CACNA1B: variants seen among roughly 807,000 people sequenced by gnomAD.
CACNA1B encodes voltage-dependent N-type calcium channel subunit alpha-1B.
In CACNA1B, 70 loss-of-function variants were observed where a neutral mutation model predicts 247.2. The ratio of observed to expected loss-of-function variants is 0.28; its 90% CI spans 0.23 to 0.35. CACNA1B has a LOEUF of 0.35. Among genes scored for constraint, CACNA1B ranks in the 10% least tolerant of loss-of-function variants. CACNA1B has a pLI of 1.00. For missense variants in CACNA1B, 2,367 were observed against 3,197.4 expected (o/e 0.74, Z 6.26); for synonymous variants, 1,231 against 1,294.4 (o/e 0.95, Z 1.05).
At chr9:138,083,068 TC>T (rs1960577866) in intron 36 of CACNA1B, among the ~76,000 whole-genome samples, 1 of 150,920 alleles carries the variant, frequency 6.6e-6, no homozygotes, top group Non-Finnish European at 1.5e-5. Context: ...TCCCCTGCAG[TC>T]CTCAAGGCAC....
Position 138,052,090 on chromosome 9 carries a change from A to AGAG in CACNA1B, c.3712_3714dup. The AGAG allele has an allele frequency of 6.4e-7, 1 of 1,566,102 alleles. No individual in the cohort carries two copies. The highest frequency in any genetic ancestry group is 8.8e-7 in the Non-Finnish European group (1 of 1,137,580). The stretch of plus-strand genomic sequence containing the variant: ...TCTGCATCTGTGGCTTCTCCCTTCT[A>AGAG]GAGGATCCAAAGGGAAAGACATCAA... On this transcript the variant is annotated splice_acceptor_variant, in intron 24 of 46. Transcript: ENST00000371372. LOFTEE classifies it high-confidence loss of function. This position sits in a 1 kb window ranked among gnomAD's most constrained non-coding sequence, Gnocchi z 5.1.
chr9:137,957,834 G>T lies in CACNA1B; in HGVS notation c.1333+147G>T. On this transcript the variant is annotated intron_variant, in intron 10 of 46. Coordinates refer to ENST00000371372, the MANE Select transcript of CACNA1B (RefSeq NM_000718.4). The surrounding 1 kb of genome is among the most constrained non-coding windows in gnomAD (Gnocchi z 4.7). ...CCTTTCAGACAGTTTGCTGCTCCTGGCTTTGTGACCCCCATGTGGACATAG... is the reference window on the plus strand; with the variant it reads ...CCTTTCAGACAGTTTGCTGCTCCTGTCTTTGTGACCCCCATGTGGACATAG... The T allele has an allele frequency of 1.8e-6, 1 of 543,606 alleles. No homozygotes were observed. Among genetic ancestry groups the T allele is most frequent in the Non-Finnish European group, 3.3e-6 (1 of 306,258 alleles). The allele number at this position is 543,606 out of a possible 1,614,324, so 33.7% of individuals were successfully genotyped here.
chr9:138,028,720 C>G (rs1958951580), intron 20 of CACNA1B, among the ~76,000 whole-genome samples: 1 of 152,202 alleles, frequency 6.6e-6, no homozygotes, highest in Non-Finnish European at 1.5e-5. Flanking sequence ...TGCCCAGGTG[C>G]TTAATCAAGT....
Position 137,957,376 on chromosome 9 carries a change from G to A in CACNA1B, c.1244-222G>A, listed in dbSNP as rs923585851. On this transcript the variant is annotated intron_variant, in intron 9 of 46. Coordinates refer to ENST00000371372, the MANE Select transcript of CACNA1B (RefSeq NM_000718.4). This position sits in a 1 kb window ranked among gnomAD's most constrained non-coding sequence, Gnocchi z 4.7. The stretch of plus-strand genomic sequence containing the variant: ...CCACTGGCCTCATTTTGGAAGAAAG[G>A]GAAAGCGGGGACCCCTCACCCTCAA... Among the ~76,000 whole-genome samples, 1 of 152,210 alleles carries A rather than the reference G, an allele frequency of 6.6e-6. No homozygotes were observed. Among genetic ancestry groups the A allele is most frequent in the African/African-American group, 2.4e-5 (1 of 41,446 alleles).
rs1487198120 is a variant in CACNA1B, at chr9:137,892,376, A to G, written c.530+9493A>G. The G allele has an allele frequency of 8.8e-6, 4 of 456,412 alleles. No individual in the cohort carries two copies. In the Admixed American group the frequency reaches 9.4e-5, roughly 11 times the overall value. 28.3% of individuals were successfully genotyped at this position (456,412 alleles called of 1,614,324 possible). On this transcript the variant is annotated intron_variant, in intron 3 of 46. Transcript: ENST00000371372. ...TCCGATGGACCCCAGACCCTGGGGC[A>G]GGCGGGATGCAGGGCCAGGCCTGCG...
chr9:137,928,122 G>A (rs1222618058), intron 6 of CACNA1B, among the ~76,000 whole-genome samples: 3 of 152,042 alleles, frequency 2.0e-5, no homozygotes, highest in Non-Finnish European at 4.4e-5. Context: ...TTGTTGAGAC[G>A]GAGTCTTGCT....
At chr9:138,046,378 A>G (rs991839449) in intron 21 of CACNA1B, among the ~76,000 whole-genome samples, 2 of 152,204 alleles carry the variant, frequency 1.3e-5, no homozygotes, top group Non-Finnish European at 1.5e-5. Context: ...TGGACAGGGC[A>G]CACACCCCGC....
At chr9:137,931,374 C>T (rs767380919) in intron 6 of CACNA1B, among the ~76,000 whole-genome samples, 12 of 152,054 alleles carry the variant, frequency 7.9e-5, no homozygotes, top group African/African-American at 2.4e-4. Context: ...TCATGGGAGG[C>T]GACCAATCAG....
In CACNA1B at chr9:138,114,401, G is replaced by T. The variant is rs148799345; in HGVS notation, c.5560G>T (p.Val1854Phe). ...HKPDEMTVGK[V>F]YAALMIFDFY... ...AGCTGATGAGATGACAGTGGGGAAGGTTTATGCAGCTCTGATGATATTCGA... is the reference window on the plus strand; with the variant it reads ...AGCTGATGAGATGACAGTGGGGAAGTTTTATGCAGCTCTGATGATATTCGA... The change falls in exon 41 of 47, where the codon GTT becomes TTT. Residue 1854 changes from valine (V) to phenylalanine (F), a missense_variant. By Grantham distance (50) the Val-to-Phe change is conservative. Around this residue, in one of 12 missense-constraint regions of CACNA1B, gnomAD observed 773 missense variants for 779.4 expected, o/e 0.99. Transcript: ENST00000371372. 6.9e-6 allele frequency: 11 copies of T among 1,585,366 alleles called. No homozygotes were observed. The South Asian group carries it at 1.3e-4, about 18-fold the overall frequency.
At chr9:137,900,905 C>T (rs536813011) in intron 3 of CACNA1B, among the ~76,000 whole-genome samples, 3 of 130,570 alleles carry the variant, frequency 2.3e-5, no homozygotes, top group South Asian at 2.6e-4. Context: ...ACCGTGTGTC[C>T]GTGTGTCTGT....
intron 6 of CACNA1B, among the ~76,000 whole-genome samples, chr9:137,949,471 G>A (rs1957853464): frequency 6.6e-6 from 1 of 150,872 alleles, no homozygotes; most frequent in Admixed American, 6.6e-5. Flanking sequence ...TGTGTGTGGT[G>A]TATGCATGTG....
rs537769412 is a variant in CACNA1B, at chr9:138,047,367, G to C, written c.3544-32G>C. 4.5e-6 allele frequency: 7 copies of C among 1,555,006 alleles called. No individual in the cohort carries two copies. The Admixed American group carries it at 8.3e-5, about 19-fold the overall frequency. ...GCACCCTGGCTCAGATTTCAGCCCA[G>C]CCTTTGAGAATAACCTTCCTTTTGG... is the stretch of plus-strand genomic sequence containing the variant. On this transcript the variant is annotated intron_variant, in intron 22 of 46. Transcript: ENST00000371372.
intron 31 of CACNA1B, among the ~76,000 whole-genome samples, chr9:138,067,032 GA>G (rs1321818051): frequency 7.2e-5 from 11 of 152,202 alleles, no homozygotes; most frequent in Non-Finnish European, 1.5e-4. Context: ...AGGCAGGGGA[GA>G]GGGGTCATGA....
At position 138,010,101 on chromosome 9, in the gene CACNA1B, G is replaced by A. The variant is rs201774866; in HGVS notation, c.2160+24G>A. On this transcript the variant is annotated intron_variant, in intron 17 of 46. Transcript: ENST00000371372. This position sits in a 1 kb window ranked among gnomAD's most constrained non-coding sequence, Gnocchi z 5.3. The stretch of plus-strand genomic sequence containing the variant: ...AGGTAGGTGGCGACAGGGAGGGACC[G>A]GTGTCAGCCCATGTCACTTGAATGT... 1.1e-4 allele frequency: 176 copies of A among 1,593,958 alleles called. 1 individual carries two copies. The African/African-American group carries it at 1.7e-3, about 15-fold the overall frequency.
chr9:137,902,125 G>A (rs1454817970), intron 3 of CACNA1B, among the ~76,000 whole-genome samples: 6 of 152,162 alleles, frequency 3.9e-5, no homozygotes, highest in African/African-American at 9.7e-5. Flanking sequence ...TTACTGATGA[G>A]TTTGAGCATG....
At chr9:138,120,423 A>AG in intron 45 of CACNA1B, 51 bp downstream of exon 45, 1 of 1,498,340 alleles carries the variant, frequency 6.7e-7, no homozygotes, top group Non-Finnish European at 8.9e-7. Flanking sequence ...GGCCCGAGTC[A>AG]GGGGGTCCAA....
At chr9:138,040,188 C>T (rs1009929292) in intron 20 of CACNA1B, among the ~76,000 whole-genome samples, 1 of 152,118 alleles carries the variant, frequency 6.6e-6, no homozygotes, top group African/African-American at 2.4e-5. Flanking sequence ...ATCCACCTGC[C>T]TTGGCCTCCA....
At chr9:138,000,305 A>T (rs1028478336) in intron 15 of CACNA1B, among the ~76,000 whole-genome samples, 2 of 151,932 alleles carry the variant, frequency 1.3e-5, no homozygotes, top group Non-Finnish European at 2.9e-5. Flanking sequence ...TCACCGTGTT[A>T]GCCAGGATGG....
At chr9:138,032,177 G>A (rs896476874) in intron 20 of CACNA1B, among the ~76,000 whole-genome samples, 2 of 151,710 alleles carry the variant, frequency 1.3e-5, no homozygotes, top group African/African-American at 2.4e-5. Flanking sequence ...TTAAGACCTC[G>A]TATAGGTTTT....
Sources: allele counts gnomAD v4.1 joint callset (sites outside exome capture counted in the v4.1 genomes callset), GRCh38; gene constraint gnomAD v4.1.1; regional missense constraint gnomAD v4.1.1; non-coding constraint Gnocchi (gnomAD v3.1); transcripts MANE v1.5; gene names NCBI Gene and HGNC (gene_info 2026-07-23, HGNC 2026-07-21).